The following CRYBG1 variants were observed in gnomAD, a reference collection of about 807,000 sequenced individuals.
CRYBG1 encodes the protein beta/gamma crystallin domain-containing protein 1.
A neutral mutation model predicts 189.2 loss-of-function variants in CRYBG1; 139 were observed. The observed-to-expected ratio is 0.73, with a 90% CI of 0.64 to 0.85. CRYBG1 has a LOEUF of 0.85. Among genes scored for constraint, CRYBG1 ranks in the 40% least tolerant of loss-of-function variants. The probability of loss-of-function intolerance (pLI) is 0.00; values close to 1 mark genes in which losing one functional copy is unlikely to be tolerated. For synonymous variants in CRYBG1, 1,023 were observed against 1,017.1 expected, an observed-to-expected ratio of 1.01 and a Z score of -0.11; for missense variants, 2,611 against 2,675.8, an observed-to-expected ratio of 0.98 and a Z score of 0.53.
At position 106,363,373 on chromosome 6, in the gene CRYBG1, A is replaced by T. The variant is rs544871781; in HGVS notation, c.173+2292A>T. Among the ~76,000 whole-genome samples the T allele has an allele frequency of 2.0e-5, 3 of 152,246 alleles. No individual in the cohort carries two copies. In the East Asian group the frequency reaches 5.8e-4, roughly 29 times the overall value. ...AACCGTGATGAACTTCGTATTAATA[A>T]ATGTTCTGAAAAACTAAACGTACTA... On this transcript the variant is annotated intron_variant, in intron 1 of 21. Transcript: ENST00000633556.
rs745986315 is a variant in CRYBG1, at chr6:106,551,941, A to G, written c.5402A>G (p.Lys1801Arg). 6.2e-7 allele frequency: 1 copy of G among 1,611,728 alleles called. No homozygotes were observed. Among genetic ancestry groups the G allele is most frequent in the East Asian group, 2.2e-5 (1 of 44,780 alleles). Reference sequence around the variant, plus strand: ...ACCAGTTTTGAGGACTGGGGAGGCAAAAATTGTAAGATCTCTTCTGTTCAA... The same window carrying G: ...ACCAGTTTTGAGGACTGGGGAGGCAGAAATTGTAAGATCTCTTCTGTTCAA... The part of the protein sequence containing the change: ...FYTSFEDWGG[K>R]NCKISSVQPI... Residue 1801 changes from lysine to arginine, a missense_variant, in exon 14 of 22, where the codon AAA becomes AGA. Lys to Arg is a conservative substitution (Grantham distance 26). Transcript: ENST00000633556.
chr6:106,379,375 C>T (rs1248998822), intron 1 of CRYBG1, among the ~76,000 whole-genome samples: 1 of 151,714 alleles, frequency 6.6e-6, no homozygotes, highest in Non-Finnish European at 1.5e-5. Flanking sequence ...CATTCTCCTG[C>T]CTCAGTCTCC....
At chr6:106,448,708 C>T (rs1771718821) in intron 1 of CRYBG1, among the ~76,000 whole-genome samples, 1 of 152,206 alleles carries the variant, frequency 6.6e-6, no homozygotes, top group African/African-American at 2.4e-5. Context: ...ATAGAATGCA[C>T]ATCGACATCC....
chr6:106,502,764 G>T (rs1381023851), intron 2 of CRYBG1, among the ~76,000 whole-genome samples: 1 of 152,148 alleles, frequency 6.6e-6, no homozygotes, highest in Non-Finnish European at 1.5e-5. Flanking sequence ...ATTAAGGAAA[G>T]TAGTGAAGGA....
chr6:106,557,792 TGTAGA>T (rs1774590288), intron 17 of CRYBG1, among the ~76,000 whole-genome samples: 1 of 152,232 alleles, frequency 6.6e-6, no homozygotes, highest in Admixed American at 6.5e-5. Flanking sequence ...TAGAGATTAA[TGTAGA>T]ATCAAAAGTG....
chr6:106,459,894 G>A (rs1228735611), intron 2 of CRYBG1, among the ~76,000 whole-genome samples: 1 of 152,120 alleles, frequency 6.6e-6, no homozygotes, highest in African/African-American at 2.4e-5. Context: ...CAGTAAATAA[G>A]TCTGTTTTCC....
intron 1 of CRYBG1, among the ~76,000 whole-genome samples, chr6:106,363,243 CAAAAA>C (rs57040798): frequency 0.56 from 61,877 of 111,020 alleles, 16,053 homozygotes; most frequent in East Asian, 0.7. Flanking sequence ...AACTCCGTCT[CAAAAA>C]AAAAAAAAAA....
chr6:106,477,880 A>G lies in CRYBG1; in HGVS notation c.312+26048A>G, dbSNP rs149676124. Among the ~76,000 whole-genome samples the G allele has an allele frequency of 1.9e-3, 285 of 152,360 alleles. 1 individual carries two copies. Among genetic ancestry groups the G allele is most frequent in the African/African-American group, 6.2e-3 (257 of 41,586 alleles). ...CTGTGTAAAGGATCTCACACCATGG[A>G]AAGATCTGGAGCACGGAGCTGTGAC... On this transcript the variant is annotated intron_variant, in intron 2 of 21. Coordinates refer to ENST00000633556, the MANE Select transcript of CRYBG1 (RefSeq NM_001371242.2).
At chr6:106,414,434 C>G (rs1308332427) in intron 1 of CRYBG1, among the ~76,000 whole-genome samples, 1 of 152,210 alleles carries the variant, frequency 6.6e-6, no homozygotes, top group African/African-American at 2.4e-5. Context: ...GAAGTTCTCC[C>G]AAGAATTGGA....
intron 1 of CRYBG1, among the ~76,000 whole-genome samples, chr6:106,450,385 T>G (rs77410995): frequency 0.031 from 4,732 of 152,250 alleles, 183 homozygotes; most frequent in East Asian, 0.14. Context: ...CCACAAAAGC[T>G]TCCGTTTCTG....
Position 106,570,935 on chromosome 6 carries a change from G to A in CRYBG1, c.*2369G>A, listed in dbSNP as rs1015611815. On this transcript the variant is annotated 3_prime_UTR_variant, in exon 22 of 22. Coordinates refer to ENST00000633556, the MANE Select transcript of CRYBG1 (RefSeq NM_001371242.2). ...GCATATCAGGTGCAATACTGAGGAT[G>A]AGTATATTAGGAAGTAAAAACACTT... The A allele has an allele frequency of 1.1e-4, 17 of 152,180 alleles. No individual in the cohort carries two copies. Among genetic ancestry groups the A allele is most frequent in the African/African-American group, 4.1e-4 (17 of 41,454 alleles). 9.4% of individuals were successfully genotyped at this position (152,180 alleles called of 1,614,324 possible).
rs116520805 is a variant in CRYBG1, at chr6:106,510,371, C to A, written c.313-1059C>A. On this transcript the variant is annotated intron_variant, in intron 2 of 21. Transcript: ENST00000633556. ...TCTGGCAAACCCCGGAGCGCCACCGCGCCCATTGGCGGGTTTGCTTTTATT... is the reference window on the plus strand; with the variant it reads ...TCTGGCAAACCCCGGAGCGCCACCGAGCCCATTGGCGGGTTTGCTTTTATT... Among the ~76,000 whole-genome samples the A allele has an allele frequency of 4.2e-3, 644 of 152,374 alleles. 5 individuals carry two copies. Among genetic ancestry groups the A allele is most frequent in the African/African-American group, 0.015 (625 of 41,596 alleles).
intron 3 of CRYBG1, among the ~76,000 whole-genome samples, chr6:106,516,089 C>T (rs1466747477): frequency 6.6e-6 from 1 of 152,036 alleles, no homozygotes. Flanking sequence ...CTGATCCCAG[C>T]CTCAAATTTA....
chr6:106,547,289 C>T (rs950753757), intron 13 of CRYBG1, among the ~76,000 whole-genome samples: 2 of 152,182 alleles, frequency 1.3e-5, no homozygotes, highest in East Asian at 3.9e-4. Flanking sequence ...ATATTTTGTT[C>T]GATTTGTCAT....
At chr6:106,495,214 C>A (rs983128238) in intron 2 of CRYBG1, among the ~76,000 whole-genome samples, 2 of 152,158 alleles carry the variant, frequency 1.3e-5, no homozygotes, top group African/African-American at 2.4e-5. Flanking sequence ...TGGGAGAGAG[C>A]CGGCTCTGGC....
At chr6:106,498,351 T>C (rs990957961) in intron 2 of CRYBG1, among the ~76,000 whole-genome samples, 9 of 152,194 alleles carry the variant, frequency 5.9e-5, no homozygotes, top group African/African-American at 1.9e-4. Context: ...AGTCTCCTCC[T>C]GTTGGTCTCT....
At chr6:106,549,475 A>G (rs1774348961) in intron 13 of CRYBG1, among the ~76,000 whole-genome samples, 1 of 152,190 alleles carries the variant, frequency 6.6e-6, no homozygotes, top group South Asian at 2.1e-4. Flanking sequence ...AACAGTGCTC[A>G]CGCCTGTAAT....
chr6:106,428,027 C>T (rs1484104255), intron 1 of CRYBG1, among the ~76,000 whole-genome samples: 1 of 152,220 alleles, frequency 6.6e-6, no homozygotes, highest in African/African-American at 2.4e-5. Flanking sequence ...TCCTGAGAGA[C>T]CTCTGTTCAT....
chr6:106,415,928 C>G (rs1177236691), intron 1 of CRYBG1, among the ~76,000 whole-genome samples: 2 of 152,088 alleles, frequency 1.3e-5, no homozygotes, highest in African/African-American at 4.8e-5. Context: ...GGCAGTCCCC[C>G]CCATTCCTCT....
Sources: gnomAD v4.1 joint callset for allele counts (sites outside exome capture counted in the v4.1 genomes callset) on GRCh38, gnomAD v4.1.1 for gene constraint, MANE v1.5 for transcripts, NCBI Gene and HGNC (gene_info 2026-07-23, HGNC 2026-07-21) for gene names.